Variants in VOPP1 observed in about 807,000 individuals in gnomAD.
VOPP1 encodes VOPP1 WW domain binding protein, also known as WW domain binding protein VOPP1.
VOPP1 carries 8 observed loss-of-function variants against 23.5 expected under a neutral mutation model. The observed-to-expected ratio is 0.34, with a 90% confidence interval of 0.20 to 0.61. The LOEUF (loss-of-function observed/expected upper bound fraction) is 0.61, where lower values mean the gene tolerates loss of function less well. Among genes scored for constraint, VOPP1 ranks in the 20% least tolerant of loss-of-function variants. The pLI is 0.78. For synonymous variants in VOPP1, 83 were observed against 97.3 expected (o/e 0.85, Z 0.86); for missense variants, 174 against 238.1 (o/e 0.73, Z 1.77).
At chr7:55,527,681 A>G (rs976729211) in intron 1 of VOPP1, among the ~76,000 whole-genome samples, 1 of 152,234 alleles carries the variant, frequency 6.6e-6, no homozygotes, top group Admixed American at 6.5e-5. Context: ...CTTAAAAGGT[A>G]GAAGCAGAGG....
chr7:55,438,988 T>A (rs763043004), intron 4 of VOPP1, among the ~76,000 whole-genome samples: 11 of 152,094 alleles, frequency 7.2e-5, no homozygotes, highest in Non-Finnish European at 1.5e-4. Flanking sequence ...CGCCACAGGC[T>A]GAGGCATGCA....
chr7:55,535,554 A>G (rs184169182), intron 1 of VOPP1, among the ~76,000 whole-genome samples: 3 of 152,264 alleles, frequency 2.0e-5, no homozygotes, highest in Non-Finnish European at 4.4e-5. Context: ...ATGCACCTCT[A>G]GAGAACCCTA....
At chr7:55,543,360 A>G (rs558177333) in intron 1 of VOPP1, among the ~76,000 whole-genome samples, 74 of 152,328 alleles carry the variant, frequency 4.9e-4, no homozygotes, top group African/African-American at 1.7e-3. Flanking sequence ...TGGGAGTACA[A>G]ATATCTCTTC....
chr7:55,465,231 T>C (rs891508801), intron 4 of VOPP1, among the ~76,000 whole-genome samples: 1 of 152,202 alleles, frequency 6.6e-6, no homozygotes, highest in Admixed American at 6.5e-5. Context: ...CAAAATACTG[T>C]TTACACTTCG....
intron 1 of VOPP1, among the ~76,000 whole-genome samples, chr7:55,560,220 C>T (rs138179992): frequency 0.011 from 1,669 of 152,294 alleles, 11 homozygotes; most frequent in Middle Eastern, 0.02. Context: ...TTTTAAGCAA[C>T]ATTTTTTTTC....
Position 55,472,773 on chromosome 7 carries a change from T to C in VOPP1, c.*82A>G. 1.5e-6 allele frequency: 1 copy of C among 678,124 alleles called. No individual in the cohort carries two copies. The highest frequency in any genetic ancestry group is 2.8e-5 in the South Asian group (1 of 36,090). The allele number at this position is 678,124 out of a possible 1,614,324, so 42.0% of individuals were successfully genotyped here. On this transcript the variant is annotated 3_prime_UTR_variant, in exon 5 of 5. Coordinates refer to ENST00000285279, the MANE Select transcript of VOPP1 (RefSeq NM_030796.5). Reference sequence around the variant, plus strand: ...CTGCCCTTAGCAGCCCACGAGACCGTTCCTGGAAGTGAACATCAACGAAGA... The same window carrying C: ...CTGCCCTTAGCAGCCCACGAGACCGCTCCTGGAAGTGAACATCAACGAAGA...
intron 4 of VOPP1, among the ~76,000 whole-genome samples, chr7:55,482,494 T>G (rs905171937): frequency 1.0e-4 from 15 of 150,192 alleles, no homozygotes; most frequent in African/African-American, 3.2e-4. Context: ...TTTTTTTTTT[T>G]TTTTTTTTTT....
At chr7:55,538,269 G>A (rs1254928283) in intron 1 of VOPP1, among the ~76,000 whole-genome samples, 1 of 152,134 alleles carries the variant, frequency 6.6e-6, no homozygotes, top group African/African-American at 2.4e-5. Context: ...CCGCACTTAG[G>A]AACTCTCTTC....
At chr7:55,450,506 A>C (rs776671716) in intron 4 of VOPP1, among the ~76,000 whole-genome samples, 13 of 152,254 alleles carry the variant, frequency 8.5e-5, no homozygotes, top group Non-Finnish European at 1.8e-4. Flanking sequence ...CTGGATTTTG[A>C]ATATGGAAAA....
At chr7:55,542,163 G>A (rs1797161504) in intron 1 of VOPP1, among the ~76,000 whole-genome samples, 2 of 151,984 alleles carry the variant, frequency 1.3e-5, no homozygotes, top group South Asian at 4.2e-4. Context: ...ATATTTATGG[G>A]CTACACATGA....
chr7:55,449,348 A>G (rs11977947), intron 4 of VOPP1, among the ~76,000 whole-genome samples: 2,634 of 152,152 alleles, frequency 0.017, 82 homozygotes, highest in African/African-American at 0.058. Context: ...CCGCGGCGCC[A>G]CTGCGGCCCT....
At chr7:55,503,666 G>C (rs1006645077) in intron 2 of VOPP1, among the ~76,000 whole-genome samples, 1 of 152,218 alleles carries the variant, frequency 6.6e-6, no homozygotes, top group African/African-American at 2.4e-5. Context: ...CGGTTACCAA[G>C]GTGAAGCCCT....
chr7:55,455,257 G>A (rs1395020314), intron 4 of VOPP1, among the ~76,000 whole-genome samples: 1 of 152,182 alleles, frequency 6.6e-6, no homozygotes, highest in Non-Finnish European at 1.5e-5. Context: ...CAAGGGAAGT[G>A]AAGGATCTCT....
chr7:55,462,625 G>A (rs914143155), intron 4 of VOPP1, among the ~76,000 whole-genome samples: 60 of 150,168 alleles, frequency 4.0e-4, no homozygotes, highest in African/African-American at 1.4e-3. Context: ...CTTCTGCTTG[G>A]TCTAGTCTAT....
At chr7:55,451,430 A>G (rs1791240599) in intron 4 of VOPP1, among the ~76,000 whole-genome samples, 1 of 152,246 alleles carries the variant, frequency 6.6e-6, no homozygotes, top group Admixed American at 6.5e-5. Context: ...TTTACATTAT[A>G]CTGTAGTCTA....
At chr7:55,563,189 C>T (rs1031789579) in intron 1 of VOPP1, among the ~76,000 whole-genome samples, 3 of 151,992 alleles carry the variant, frequency 2.0e-5, no homozygotes, top group African/African-American at 7.3e-5. Flanking sequence ...AATTTCGATA[C>T]AGATTTTGTT....
intron 1 of VOPP1, among the ~76,000 whole-genome samples, chr7:55,556,425 A>C (rs1236402311): frequency 6.6e-6 from 1 of 152,200 alleles, no homozygotes; most frequent in African/African-American, 2.4e-5. Context: ...ATTTATAATA[A>C]AGACACATTA....
intron 2 of VOPP1, among the ~76,000 whole-genome samples, chr7:55,514,023 G>A (rs993167579): frequency 2.0e-5 from 3 of 152,162 alleles, no homozygotes; most frequent in African/African-American, 7.2e-5. Context: ...CACAAGATCT[G>A]GTCCAGTGAA....
intron 1 of VOPP1, among the ~76,000 whole-genome samples, chr7:55,567,420 A>G (rs1371953572): frequency 6.6e-6 from 1 of 152,246 alleles, no homozygotes; most frequent in African/African-American, 2.4e-5. Flanking sequence ...GACAGACCTC[A>G]CTGAGAAGGT....
Sources: allele counts gnomAD v4.1 joint callset (sites outside exome capture counted in the v4.1 genomes callset), GRCh38; gene constraint gnomAD v4.1.1; transcripts MANE v1.5; gene names NCBI Gene and HGNC (gene_info 2026-07-23, HGNC 2026-07-21).